Variants in THBS4 observed in about 807,000 individuals in gnomAD.
THBS4 encodes thrombospondin-4.
Under a neutral mutation model 115.7 loss-of-function variants are expected in THBS4, and 90 were observed. The observed-to-expected ratio is 0.78, with a 90% confidence interval of 0.66 to 0.93. THBS4 has a LOEUF of 0.93. THBS4 is among the 40% of genes least tolerant of loss of function. The probability of loss-of-function intolerance (pLI) is 0.00; values close to 1 mark genes in which losing one functional copy is unlikely to be tolerated. For synonymous variants in THBS4, 460 were observed against 479.3 expected (o/e 0.96, Z 0.53); for missense variants, 1,087 against 1,232.7 (o/e 0.88, Z 1.77).
At chr5:80,064,897 G>T (rs917898741) in intron 8 of THBS4, among the ~76,000 whole-genome samples, 1 of 152,028 alleles carries the variant, frequency 6.6e-6, no homozygotes, top group African/African-American at 2.4e-5. Context: ...TGAACCTAAA[G>T]AAATCATCTA....
chr5:80,029,697 C>T (rs1476111339), intron 2 of THBS4, among the ~76,000 whole-genome samples: 1 of 151,916 alleles, frequency 6.6e-6, no homozygotes, highest in Non-Finnish European at 1.5e-5. Context: ...CGGTGGCTCA[C>T]GCCTGTAATC....
intron 2 of THBS4, among the ~76,000 whole-genome samples, chr5:80,008,820 G>A (rs1011365663): frequency 1.3e-5 from 2 of 152,084 alleles, no homozygotes; most frequent in East Asian, 3.8e-4. Context: ...CTGGTGGGGA[G>A]GGGGTCACAA....
chr5:80,076,777 A>C, intron 15 of THBS4, 78 bp from the exon 16 acceptor site: 1 of 1,349,836 alleles, frequency 7.4e-7, no homozygotes, highest in South Asian at 2.1e-5. Flanking sequence ...CCTCAAGCAC[A>C]GACTCTCCTT....
chr5:80,077,400 A>G (rs1005711775), intron 16 of THBS4, among the ~76,000 whole-genome samples: 2 of 152,234 alleles, frequency 1.3e-5, no homozygotes, highest in Admixed American at 6.5e-5. Flanking sequence ...GGAGTCCCAG[A>G]AAAGGAGCAG....
At chr5:80,003,532 A>G (rs1398031332) in intron 2 of THBS4, among the ~76,000 whole-genome samples, 6 of 152,210 alleles carry the variant, frequency 3.9e-5, no homozygotes, top group Admixed American at 2.0e-4. Flanking sequence ...CTGCCATGGT[A>G]TTCTCATCTC....
chr5:80,030,142 TC>T (rs1486316480), intron 2 of THBS4, among the ~76,000 whole-genome samples: 1 of 152,192 alleles, frequency 6.6e-6, no homozygotes, highest in African/African-American at 2.4e-5. Flanking sequence ...AGTCTGCCTT[TC>T]CCAGTGCTAG....
chr5:80,058,618 G>T, intron 4 of THBS4, 90 bp from the exon 5 acceptor site: 1 of 1,131,610 alleles, frequency 8.8e-7, no homozygotes, highest in Non-Finnish European at 1.3e-6. Context: ...CATCTTGTCA[G>T]GATGATTTCC....
chr5:80,037,847 A>G (rs1379100092), intron 1 of THBS4, among the ~76,000 whole-genome samples: 1 of 152,192 alleles, frequency 6.6e-6, no homozygotes, highest in African/African-American at 2.4e-5. Context: ...AATTCTCTTG[A>G]AAATTAAAAA....
intron 2 of THBS4, among the ~76,000 whole-genome samples, chr5:80,016,807 CCAA>C (rs1275693206): frequency 6.6e-6 from 1 of 152,204 alleles, no homozygotes; most frequent in Non-Finnish European, 1.5e-5. Flanking sequence ...GCTTAAAATT[CCAA>C]CGTTTGATGA....
intron 2 of THBS4, among the ~76,000 whole-genome samples, chr5:80,042,925 C>T (rs71635002): frequency 1.9e-4 from 29 of 152,024 alleles, no homozygotes; most frequent in East Asian, 3.9e-4. Flanking sequence ...GAGATTGTGC[C>T]GCTGCACTCC....
chr5:80,040,394 T>A (rs1832860300), intron 2 of THBS4, 114 bp downstream of exon 2: 1 of 861,284 alleles, frequency 1.2e-6, no homozygotes, highest in South Asian at 1.7e-5. Flanking sequence ...CACTCACTAG[T>A]CATTTCAGTT....
intron 2 of THBS4, among the ~76,000 whole-genome samples, 183 bp downstream of exon 2, chr5:80,040,463 G>T (rs962837846): frequency 6.6e-6 from 1 of 150,768 alleles, no homozygotes; most frequent in South Asian, 2.1e-4. Flanking sequence ...GGTGGGGGGC[G>T]GTTCAGGAAG....
At chr5:80,052,360 A>G (rs553793303) in intron 2 of THBS4, 5 of 152,340 alleles carry the variant, frequency 3.3e-5, no homozygotes, top group Admixed American at 1.3e-4. Flanking sequence ...TATTAAATAA[A>G]AGGAGAAGAA....
chr5:80,039,578 T>C (rs745927759), intron 1 of THBS4, among the ~76,000 whole-genome samples: 1 of 152,198 alleles, frequency 6.6e-6, no homozygotes, highest in Non-Finnish European at 1.5e-5. Flanking sequence ...TACCAGCACA[T>C]CTACCACCAT....
chr5:80,014,154 C>T (rs961817743), intron 2 of THBS4, among the ~76,000 whole-genome samples: 10 of 152,182 alleles, frequency 6.6e-5, no homozygotes, highest in African/African-American at 2.2e-4. Context: ...ATACCACCAC[C>T]ACCACTTCCT....
intron 2 of THBS4, among the ~76,000 whole-genome samples, chr5:80,001,680 C>A (rs911167835): frequency 2.0e-5 from 3 of 152,090 alleles, no homozygotes; most frequent in African/African-American, 7.2e-5. Flanking sequence ...TGGAATAGAG[C>A]AATAGTATAT....
chr5:80,002,689 C>T (rs542513985), intron 2 of THBS4, among the ~76,000 whole-genome samples: 1 of 148,132 alleles, frequency 6.8e-6, no homozygotes, highest in Non-Finnish European at 1.5e-5. Context: ...TGTGGTGAGT[C>T]CTGTAATTGG....
At chr5:80,008,496 T>A (rs1402133278) in intron 2 of THBS4, among the ~76,000 whole-genome samples, 1 of 152,146 alleles carries the variant, frequency 6.6e-6, no homozygotes, top group Non-Finnish European at 1.5e-5. Flanking sequence ...CTCACTGGCT[T>A]CCCACATTTT....
intron 20 of THBS4, chr5:80,082,156 G>C: frequency 2.3e-6 from 1 of 436,244 alleles, no homozygotes; most frequent in South Asian, 5.2e-5. Flanking sequence ...AGAGACAGAA[G>C]TTGGGAAGAA....
Sources: gnomAD v4.1 joint callset for allele counts (sites outside exome capture counted in the v4.1 genomes callset) on GRCh38, gnomAD v4.1.1 for gene constraint, MANE v1.5 for transcripts, NCBI Gene and HGNC (gene_info 2026-07-23, HGNC 2026-07-21) for gene names.